Variants in RANBP17 observed in about 807,000 individuals in gnomAD.
The protein encoded by RANBP17 is ran-binding protein 17.
A neutral mutation model predicts 141.2 loss-of-function variants in RANBP17; 158 were observed. The ratio of observed to expected loss-of-function variants is 1.12; its 90% CI spans 0.98 to 1.28. The LOEUF (loss-of-function observed/expected upper bound fraction) is 1.28, where lower values mean the gene tolerates loss of function less well. Among genes scored for constraint, RANBP17 ranks in the 50% most tolerant of loss-of-function variants. RANBP17 has a pLI of 0.00. For synonymous variants in RANBP17, 430 were observed against 450.0 expected, an observed-to-expected ratio of 0.96 and a Z score of 0.56; for missense variants, 1,438 against 1,290.7, an observed-to-expected ratio of 1.11 and a Z score of -1.75.
At chr5:171,144,430 C>T (rs1359215037) in intron 14 of RANBP17, among the ~76,000 whole-genome samples, 6 of 151,964 alleles carry the variant, frequency 3.9e-5, no homozygotes, top group African/African-American at 1.5e-4. Flanking sequence ...ATATTTTTAA[C>T]TAGGTAAGAG....
rs923672421 is a variant in RANBP17 at position 171,299,034 on chromosome 5, C to A, written c.*176C>A. 25 of 474,706 alleles carry A rather than the reference C, an allele frequency of 5.3e-5. 1 individual carries two copies. The highest frequency in any genetic ancestry group is 3.5e-4 in the African/African-American group (18 of 51,312). 29.4% of individuals were successfully genotyped at this position (474,706 alleles called of 1,614,324 possible). On this transcript the variant is annotated 3_prime_UTR_variant, in exon 28 of 28. Coordinates refer to ENST00000523189, the MANE Select transcript of RANBP17 (RefSeq NM_022897.5). ...CTAATTATAAGAATTTCTAACAGTACCAGTGTAAATTCAGTCTTTTCTCTG... is the reference window on the plus strand; with the variant it reads ...CTAATTATAAGAATTTCTAACAGTAACAGTGTAAATTCAGTCTTTTCTCTG...
intron 16 of RANBP17, among the ~76,000 whole-genome samples, chr5:171,182,530 C>G (rs900418437): frequency 1.2e-4 from 18 of 152,144 alleles, no homozygotes; most frequent in African/African-American, 4.3e-4. Context: ...CTCTTAGCTC[C>G]TGTTTCATTA....
rs1758973176 is a variant in RANBP17 at position 171,157,285 on chromosome 5, G to T, written c.1711-12845G>T. Reference sequence around the variant, plus strand: ...ACAGAGGGTGATGTTTAAAGCTACAGTGTGTCTTATAAAAAATATGAATGT... The same window carrying T: ...ACAGAGGGTGATGTTTAAAGCTACATTGTGTCTTATAAAAAATATGAATGT... On this transcript the variant is annotated intron_variant, in intron 14 of 27. Coordinates refer to ENST00000523189, the MANE Select transcript of RANBP17 (RefSeq NM_022897.5). 2.0e-5 allele frequency among the ~76,000 whole-genome samples: 3 copies of T among 152,158 alleles called. 1 individual carries two copies. The highest frequency in any genetic ancestry group is 7.2e-5 in the African/African-American group (3 of 41,452).
intron 14 of RANBP17, among the ~76,000 whole-genome samples, chr5:171,046,089 A>G (rs1782564205): frequency 6.6e-6 from 1 of 152,096 alleles, no homozygotes; most frequent in Non-Finnish European, 1.5e-5. Context: ...CACTAATATC[A>G]GTTTTTGAAG....
intron 25 of RANBP17, among the ~76,000 whole-genome samples, chr5:171,273,351 C>G (rs149636729): frequency 2.0e-5 from 3 of 152,326 alleles, no homozygotes; most frequent in Non-Finnish European, 4.4e-5. Context: ...GTTCCTTTGA[C>G]CCTCCTTCTC....
At chr5:171,103,152 T>C (rs894468501) in intron 14 of RANBP17, among the ~76,000 whole-genome samples, 10 of 152,150 alleles carry the variant, frequency 6.6e-5, no homozygotes, top group African/African-American at 1.2e-4. Context: ...GCTGCTCTCT[T>C]CCAAGCCGGC....
intron 14 of RANBP17, among the ~76,000 whole-genome samples, chr5:170,969,445 A>G (rs760874981): frequency 2.0e-5 from 3 of 151,908 alleles, no homozygotes; most frequent in African/African-American, 4.8e-5. Flanking sequence ...TAAAATTTAT[A>G]TAACAGAGTG....
Position 170,892,450 on chromosome 5 carries a change from T to G in RANBP17, c.320T>G (p.Leu107Arg). Reference sequence around the variant, plus strand: ...CTGGCTCCCTTTGTCATCCAAGCTCTTATTCAAGTCATTGCTAAAATCACT... The same window carrying G: ...CTGGCTCCCTTTGTCATCCAAGCTCGTATTCAAGTCATTGCTAAAATCACT... ...PKLAPFVIQALIQVIAKITKL... is the reference protein window; with the variant it reads ...PKLAPFVIQARIQVIAKITKL... Residue 107 changes from leucine (L) to arginine (R), a missense_variant, in exon 4 of 28, where the codon CTT becomes CGT. By Grantham distance (102) the Leu-to-Arg change is moderately radical. Transcript: ENST00000523189. 1 of 1,614,114 alleles carries G rather than the reference T, an allele frequency of 6.2e-7. No individual in the cohort carries two copies. Among genetic ancestry groups the G allele is most frequent in the Non-Finnish European group, 8.5e-7 (1 of 1,179,978 alleles).
intron 22 of RANBP17, among the ~76,000 whole-genome samples, chr5:171,223,217 A>G (rs1336757642): frequency 6.6e-6 from 1 of 152,210 alleles, no homozygotes; most frequent in African/African-American, 2.4e-5. Flanking sequence ...AGATTTTTTC[A>G]TGTGTAAAAA....
At chr5:171,239,562 A>G (rs998018285) in intron 22 of RANBP17, among the ~76,000 whole-genome samples, 3 of 152,188 alleles carry the variant, frequency 2.0e-5, no homozygotes, top group Non-Finnish European at 4.4e-5. Flanking sequence ...GGTTCAGGGG[A>G]AAAATATCAC....
At chr5:170,914,095 GTGATATTGTCTTACTT>G in intron 7 of RANBP17, 56 bp from the exon 8 acceptor site, 2 of 1,001,824 alleles carry the variant, frequency 2.0e-6, no homozygotes, top group South Asian at 2.6e-5. Flanking sequence ...CTCAGTTTGT[GTGATATTGTCTTACTT>G]TGTTAAGATC....
intron 14 of RANBP17, among the ~76,000 whole-genome samples, chr5:171,011,043 C>G (rs1780000835): frequency 6.6e-6 from 1 of 151,994 alleles, no homozygotes; most frequent in Non-Finnish European, 1.5e-5. Context: ...GAAGAACTTC[C>G]CAGTTTCTTT....
At chr5:170,864,671 G>A (rs892826089) in intron 1 of RANBP17, among the ~76,000 whole-genome samples, 1 of 152,166 alleles carries the variant, frequency 6.6e-6, no homozygotes, top group African/African-American at 2.4e-5. Flanking sequence ...GGTAAGAATC[G>A]AGAGAATGTT....
chr5:171,081,310 C>T (rs1561631213), intron 14 of RANBP17, among the ~76,000 whole-genome samples: 1 of 152,120 alleles, frequency 6.6e-6, no homozygotes, highest in Non-Finnish European at 1.5e-5. Context: ...ATAAGAGCTA[C>T]ATCATGGTCA....
chr5:171,268,170 C>T (rs1766853426), intron 25 of RANBP17, among the ~76,000 whole-genome samples: 1 of 152,152 alleles, frequency 6.6e-6, no homozygotes, highest in Admixed American at 6.5e-5. Context: ...TCTCTCCTTA[C>T]AAAATTTCTT....
intron 18 of RANBP17, among the ~76,000 whole-genome samples, chr5:171,195,379 A>G (rs550486383): frequency 8.9e-4 from 135 of 152,370 alleles, no homozygotes; most frequent in African/African-American, 3.1e-3. Context: ...AAAATCTCTA[A>G]TAGTAATGTT....
At chr5:171,006,985 T>C (rs1443962203) in intron 14 of RANBP17, among the ~76,000 whole-genome samples, 2 of 152,150 alleles carry the variant, frequency 1.3e-5, no homozygotes, top group African/African-American at 4.8e-5. Flanking sequence ...GATAGTTCCA[T>C]TGGGGATCTT....
intron 14 of RANBP17, among the ~76,000 whole-genome samples, chr5:171,088,915 C>T (rs1785938389): frequency 6.6e-6 from 1 of 151,968 alleles, no homozygotes; most frequent in Non-Finnish European, 1.5e-5. Context: ...TGAATGTCCT[C>T]CTGTAGCTCA....
chr5:171,097,783 C>T (rs748325489), intron 14 of RANBP17, among the ~76,000 whole-genome samples: 1 of 151,798 alleles, frequency 6.6e-6, no homozygotes, highest in Non-Finnish European at 1.5e-5. Context: ...CTATCCCTCC[C>T]CTTGCCCCAC....
Sources: allele counts gnomAD v4.1 joint callset (sites outside exome capture counted in the v4.1 genomes callset), GRCh38; gene constraint gnomAD v4.1.1; transcripts MANE v1.5; gene names NCBI Gene and HGNC (gene_info 2026-07-23, HGNC 2026-07-21).